The following SPRR2G variants were observed in gnomAD, a reference collection of about 807,000 sequenced individuals.
SPRR2G encodes small proline-rich protein 2G.
Under a neutral mutation model 0.7 loss-of-function variants are expected in SPRR2G, and 1 was observed. The observed-to-expected ratio is 1.49, with a 90% confidence interval of 0.53 to 7.06. The LOEUF (loss-of-function observed/expected upper bound fraction) is 7.06. Ranked by LOEUF, SPRR2G falls within the 30% of genes most tolerant of loss-of-function variation. SPRR2G has a pLI of 0.14. For missense variants in SPRR2G, 96 were observed against 88.5 expected (o/e 1.09, Z -0.34); for synonymous variants, 38 against 33.9 (o/e 1.12, Z -0.42).
At chr1:153,191,445 C>G in the SPRR2G span, 1 of 152,214 alleles carries the variant, frequency 6.6e-6, no homozygotes. Context: ...ATTAAGGACC[C>G]TAAGTAGATT....
At chr1:153,154,274 A>C (rs1212247380), upstream of SPRR2G, among the ~76,000 whole-genome samples, 1 of 151,694 alleles carries the variant, frequency 6.6e-6, no homozygotes, top group Non-Finnish European at 1.5e-5. Flanking sequence ...ATTTTGTTGA[A>C]TCTTTTTGCT....
At chr1:153,181,572 C>T in the SPRR2G span, among the ~76,000 whole-genome samples, 1 of 152,118 alleles carries the variant, frequency 6.6e-6, no homozygotes, top group African/African-American at 2.4e-5. Flanking sequence ...ACCCCATGCA[C>T]ATACACGCCT....
At chr1:153,168,060 A>C in the SPRR2G span, among the ~76,000 whole-genome samples, 16 of 152,212 alleles carry the variant, frequency 1.1e-4, no homozygotes, top group Non-Finnish European at 2.1e-4. Context: ...GTCTCCATCA[A>C]AGAAGAATCT....
chr1:153,169,061 C>A, the SPRR2G span, among the ~76,000 whole-genome samples: 1 of 152,190 alleles, frequency 6.6e-6, no homozygotes, highest in Non-Finnish European at 1.5e-5. Context: ...AACCTCAAAA[C>A]TGAGTTCCTA....
the SPRR2G span, among the ~76,000 whole-genome samples, chr1:153,187,491 C>T: frequency 5.3e-5 from 8 of 151,890 alleles, no homozygotes; most frequent in African/African-American, 1.2e-4. Context: ...TTGATCAATT[C>T]AGCTATTGAT....
the SPRR2G span, among the ~76,000 whole-genome samples, chr1:153,183,362 C>T: frequency 6.6e-6 from 1 of 151,910 alleles, no homozygotes; most frequent in Non-Finnish European, 1.5e-5. Flanking sequence ...GCTGGGATTA[C>T]AGGCATGAGC....
At chr1:153,179,587 A>G in the SPRR2G span, among the ~76,000 whole-genome samples, 2,938 of 152,268 alleles carry the variant, frequency 0.019, 102 homozygotes, top group African/African-American at 0.065. Context: ...AATGTTTGAA[A>G]TAATGATAGT....
upstream of SPRR2G, among the ~76,000 whole-genome samples, chr1:153,152,834 G>C (rs1460433275): frequency 1.3e-5 from 2 of 152,170 alleles, no homozygotes; most frequent in Non-Finnish European, 2.9e-5. Context: ...TTTGCCTCAT[G>C]AATTACTAAT....
At chr1:153,183,572 T>G in the SPRR2G span, among the ~76,000 whole-genome samples, 1 of 152,192 alleles carries the variant, frequency 6.6e-6, no homozygotes, top group Non-Finnish European at 1.5e-5. Context: ...GGTTGTTTGT[T>G]TTTTTCTTGT....
At chr1:153,200,761 G>A in the SPRR2G span, among the ~76,000 whole-genome samples, 3 of 150,148 alleles carry the variant, frequency 2.0e-5, no homozygotes, top group African/African-American at 4.9e-5. Context: ...GTGCAATGGC[G>A]TGATCTCTGC....
chr1:153,192,188 C>A, the SPRR2G span, among the ~76,000 whole-genome samples: 3 of 152,112 alleles, frequency 2.0e-5, no homozygotes, highest in Non-Finnish European at 2.9e-5. Flanking sequence ...TAAGGGACAG[C>A]CTTGAATTAT....
At chr1:153,156,254 C>A in the SPRR2G span, among the ~76,000 whole-genome samples, 2 of 152,154 alleles carry the variant, frequency 1.3e-5, no homozygotes. Context: ...ATTTTCCAGA[C>A]ATCTCATCTT....
the SPRR2G span, among the ~76,000 whole-genome samples, chr1:153,194,204 A>G: frequency 6.6e-6 from 1 of 152,236 alleles, no homozygotes; most frequent in East Asian, 1.9e-4. Context: ...ATCAGATTTT[A>G]AAGTAACTAG....
At chr1:153,196,807 T>C in the SPRR2G span, among the ~76,000 whole-genome samples, 1 of 152,232 alleles carries the variant, frequency 6.6e-6, no homozygotes, top group Non-Finnish European at 1.5e-5. Context: ...CTCAACCTGC[T>C]GAGGGATTTT....
chr1:153,149,703 G>C lies in SPRR2G; in HGVS notation c.*186C>G. 1 of 728,082 alleles carries C rather than the reference G, an allele frequency of 1.4e-6. No individual in the cohort carries two copies. Among genetic ancestry groups the C allele is most frequent in the Non-Finnish European group, 2.3e-6 (1 of 440,348 alleles). 45.1% of individuals were successfully genotyped at this position (728,082 alleles called of 1,614,324 possible). Reference sequence around the variant, plus strand: ...CAAAGCGAGATTAGGCAGTGATCTGGCTGCTCATCTTCCAACAACATATCG... The same window carrying C: ...CAAAGCGAGATTAGGCAGTGATCTGCCTGCTCATCTTCCAACAACATATCG... On this transcript the variant is annotated 3_prime_UTR_variant, in exon 2 of 2. Transcript: ENST00000368748.
the SPRR2G span, among the ~76,000 whole-genome samples, chr1:153,156,345 G>A: frequency 6.6e-6 from 1 of 152,268 alleles, no homozygotes; most frequent in Admixed American, 6.5e-5. Flanking sequence ...TGACTATTTA[G>A]ATTTGGGGCT....
chr1:153,196,767 G>A, the SPRR2G span, among the ~76,000 whole-genome samples: 14 of 152,322 alleles, frequency 9.2e-5, no homozygotes, highest in South Asian at 4.1e-4. Context: ...AAGAGATCTC[G>A]CTTTGTGCCC....
the SPRR2G span, among the ~76,000 whole-genome samples, chr1:153,193,304 C>G: frequency 2.6e-5 from 4 of 152,154 alleles, no homozygotes; most frequent in Non-Finnish European, 5.9e-5. Flanking sequence ...GCACGCTGAA[C>G]AAACTTCAGC....
chr1:153,183,987 AT>A, the SPRR2G span, among the ~76,000 whole-genome samples: 1 of 152,148 alleles, frequency 6.6e-6, no homozygotes, highest in Non-Finnish European at 1.5e-5. Flanking sequence ...TTCCTTCCCC[AT>A]TGCTTGTTTT....
Sources: allele counts gnomAD v4.1 joint callset (sites outside exome capture counted in the v4.1 genomes callset), GRCh38; gene constraint gnomAD v4.1.1; transcripts MANE v1.5; gene names NCBI Gene and HGNC (gene_info 2026-07-23, HGNC 2026-07-21).